CEACAM19: variants seen among roughly 807,000 people sequenced by gnomAD.
CEACAM19 encodes cell adhesion molecule CEACAM19.
CEACAM19 carries 37 observed loss-of-function variants against 37.6 expected under a neutral mutation model. That is an observed-to-expected ratio of 0.98 (90% CI 0.76 to 1.29). CEACAM19 has a LOEUF of 1.29. Among genes scored for constraint, CEACAM19 ranks in the 50% most tolerant of loss-of-function variants. The pLI is 0.00. For missense variants in CEACAM19, 340 were observed against 375.6 expected (o/e 0.91, Z 0.78); for synonymous variants, 140 against 149.8 (o/e 0.93, Z 0.48).
chr19:44,671,875 C>A lies in CEACAM19; in HGVS notation c.-57C>A. The A allele has an allele frequency of 6.7e-7, 1 of 1,502,434 alleles. No individual in the cohort carries two copies. The highest frequency in any genetic ancestry group is 9.1e-7 in the Non-Finnish European group (1 of 1,097,264). 93.1% of individuals were successfully genotyped at this position (1,502,434 alleles called of 1,614,324 possible). On this transcript the variant is annotated 5_prime_UTR_variant, in exon 1 of 8. Coordinates refer to ENST00000358777, the MANE Select transcript of CEACAM19 (RefSeq NM_001127893.3). ...TACTTCAGACAGCCAGGGCCCACCC[C>A]TCTGGCCCCCTTAGTGTCCAGCTCG...
intron 5 of CEACAM19, among the ~76,000 whole-genome samples, chr19:44,680,897 C>T (rs922892512): frequency 1.2e-4 from 18 of 152,236 alleles, no homozygotes; most frequent in Non-Finnish European, 2.4e-4. Flanking sequence ...ATCTCAGATG[C>T]CCCCTCCTCC....
intron 5 of CEACAM19, 138 bp downstream of exon 5, chr19:44,680,472 C>G (rs1353758620): frequency 2.8e-6 from 2 of 715,228 alleles, no homozygotes; most frequent in Non-Finnish European, 4.8e-6. Flanking sequence ...CTGGGGCCCC[C>G]TGAACTCACC....
intron 4 of CEACAM19, among the ~76,000 whole-genome samples, chr19:44,679,937 T>G (rs1974024910): frequency 6.6e-6 from 1 of 151,412 alleles, no homozygotes; most frequent in Non-Finnish European, 1.5e-5. Flanking sequence ...CTCAAAAAAT[T>G]AAAAAATAAA....
intron 2 of CEACAM19, 28 bp from the exon 3 acceptor site, chr19:44,676,243 C>T (rs748376223): frequency 1.2e-6 from 2 of 1,611,178 alleles, no homozygotes; most frequent in East Asian, 2.2e-5. Context: ...ACAGTCCCCC[C>T]TCTCTCTTTC....
intron 1 of CEACAM19, 31 bp downstream of exon 1, chr19:44,672,017 G>A (rs1221107525): frequency 1.3e-6 from 2 of 1,541,848 alleles, no homozygotes; most frequent in Non-Finnish European, 1.8e-6. Context: ...AAAGGCCAAG[G>A]GGAGAAATGG....
rs927496678 is a variant in CEACAM19 at position 44,684,228 on chromosome 19, A to T, written c.*738A>T. 6.6e-6 allele frequency: 1 copy of T among 152,248 alleles called. No homozygotes were observed. The highest frequency in any genetic ancestry group is 2.4e-5 in the African/African-American group (1 of 41,440). The allele number at this position is 152,248 out of a possible 1,614,324, so 9.4% of individuals were successfully genotyped here. A position where few individuals can be genotyped will look rare whatever the true frequency, so the allele number is the denominator to read the frequency against. Reference sequence around the variant, plus strand: ...CTATGCATTCATTCAGCAATAAATGAGCCTTTGCTGTATGCCAGACCCAGT... The same window carrying T: ...CTATGCATTCATTCAGCAATAAATGTGCCTTTGCTGTATGCCAGACCCAGT... On this transcript the variant is annotated 3_prime_UTR_variant, in exon 8 of 8. Transcript: ENST00000358777.
At chr19:44,676,473 GC>G in intron 3 of CEACAM19, 52 bp downstream of exon 3, 1 of 1,578,628 alleles carries the variant, frequency 6.3e-7, no homozygotes. Flanking sequence ...GTCTTCTCAA[GC>G]CCCATGGATT....
At chr19:44,672,434 C>A in intron 1 of CEACAM19, 162 bp from the exon 2 acceptor site, 1 of 770,618 alleles carries the variant, frequency 1.3e-6, no homozygotes, top group Non-Finnish European at 1.9e-6. Flanking sequence ...TGTGTTCCCA[C>A]TCCTGCACCC....
At chr19:44,681,020 G>A (rs1974048279) in intron 5 of CEACAM19, among the ~76,000 whole-genome samples, 1 of 152,104 alleles carries the variant, frequency 6.6e-6, no homozygotes, top group African/African-American at 2.4e-5. Flanking sequence ...CTGGAGACTG[G>A]TCTGCGTCCC....
intron 2 of CEACAM19, among the ~76,000 whole-genome samples, chr19:44,675,940 A>AT (rs150120405): frequency 5.3e-5 from 8 of 149,900 alleles, no homozygotes; most frequent in South Asian, 4.3e-4. Flanking sequence ...ACATGTTGAA[A>AT]TTTTTTTTTT....
upstream of CEACAM19, among the ~76,000 whole-genome samples, chr19:44,668,076 T>C (rs1345616324): frequency 1.2e-5 from 1 of 84,092 alleles, no homozygotes; most frequent in African/African-American, 5.0e-5. Context: ...AATATATAAA[T>C]ATATTTATAT....
In CEACAM19 at chr19:44,671,925, C is replaced by T. The variant is rs370675864; in HGVS notation, c.-7C>T. ...GTGGCCCCTTGGCATTTCCACAAGACGCCAAGATGGAGATTCCCATGGGGA... is the reference window on the plus strand; with the variant it reads ...GTGGCCCCTTGGCATTTCCACAAGATGCCAAGATGGAGATTCCCATGGGGA... On this transcript the variant is annotated 5_prime_UTR_variant, in exon 1 of 8. In the 5' UTR this introduces an upstream ATG that the reference lacks. Coordinates refer to ENST00000358777, the MANE Select transcript of CEACAM19 (RefSeq NM_001127893.3). 249 of 1,603,586 alleles carry T rather than the reference C, an allele frequency of 1.6e-4. 1 individual carries two copies. Among genetic ancestry groups the T allele is most frequent in the Middle Eastern group, 1.1e-3 (5 of 4,540 alleles).
chr19:44,668,601 A>G (rs1217652046), upstream of CEACAM19, among the ~76,000 whole-genome samples: 40 of 25,172 alleles, frequency 1.6e-3, 1 homozygote, highest in African/African-American at 6.5e-3. Context: ...ATATACACAT[A>G]TTATATATGT....
chr19:44,672,506 C>T (rs1188533237), intron 1 of CEACAM19, 90 bp from the exon 2 acceptor site: 5 of 1,324,012 alleles, frequency 3.8e-6, no homozygotes, highest in Non-Finnish European at 2.0e-6. Context: ...AGAGTCCTTG[C>T]TCCCCGCTGA....
intron 7 of CEACAM19, chr19:44,683,097 T>A (rs1367178034): frequency 2.5e-5 from 7 of 281,716 alleles, no homozygotes. Context: ...TTTCTCTTGC[T>A]GTGTCCTTTT....
chr19:44,676,201 G>T (rs1973945111), intron 2 of CEACAM19, 70 bp from the exon 3 acceptor site: 1 of 1,509,724 alleles, frequency 6.6e-7, no homozygotes, highest in Non-Finnish European at 9.0e-7. Context: ...TATAGTCGGT[G>T]AGGGACTGGG....
upstream of CEACAM19, among the ~76,000 whole-genome samples, chr19:44,668,610 GTATATAAT>G (rs1230328043): frequency 2.3e-4 from 14 of 62,160 alleles, no homozygotes; most frequent in South Asian, 2.2e-3. Flanking sequence ...TATTATATAT[GTATATAAT>G]TATATAATTA....
Position 44,671,731 on chromosome 19 carries a change from G to C in CEACAM19, c.-201G>C. On this transcript the variant is annotated 5_prime_UTR_variant, in exon 1 of 8. Transcript: ENST00000358777. ...TGAAAAACTGGTTCAACCTCTGTCTGTGCTCCCATCCCAGGGAGTATAGGT... is the reference window on the plus strand; with the variant it reads ...TGAAAAACTGGTTCAACCTCTGTCTCTGCTCCCATCCCAGGGAGTATAGGT... The C allele has an allele frequency of 1.9e-6, 1 of 534,844 alleles. No homozygotes were observed. Among genetic ancestry groups the C allele is most frequent in the Non-Finnish European group, 3.4e-6 (1 of 298,258 alleles). The allele number at this position is 534,844 out of a possible 1,614,324, so 33.1% of individuals were successfully genotyped here. A position where few individuals can be genotyped will look rare whatever the true frequency, so the allele number is the denominator to read the frequency against.
At chr19:44,679,097 A>G (rs1974007796) in intron 4 of CEACAM19, among the ~76,000 whole-genome samples, 161 bp downstream of exon 4, 1 of 152,000 alleles carries the variant, frequency 6.6e-6, no homozygotes, top group South Asian at 2.1e-4. Flanking sequence ...GGTTCAAACT[A>G]TCCTCCCACC....
Sources: allele counts gnomAD v4.1 joint callset (sites outside exome capture counted in the v4.1 genomes callset), GRCh38; gene constraint gnomAD v4.1.1; transcripts MANE v1.5; gene names NCBI Gene and HGNC (gene_info 2026-07-23, HGNC 2026-07-21).